CGNL1: variants seen among roughly 807,000 people sequenced by gnomAD.
CGNL1 encodes cingulin like 1.
A neutral mutation model predicts 141.2 loss-of-function variants in CGNL1; 132 were observed. The observed-to-expected ratio is 0.93, with a 90% CI of 0.81 to 1.08. The LOEUF (loss-of-function observed/expected upper bound fraction) is 1.08, where lower values mean the gene tolerates loss of function less well. CGNL1 is among the 50% of genes least tolerant of loss of function. The pLI is 0.00. For synonymous variants in CGNL1, 690 were observed against 622.1 expected, an observed-to-expected ratio of 1.11 and a Z score of -1.63; for missense variants, 1,870 against 1,588.6, an observed-to-expected ratio of 1.18 and a Z score of -3.01.
At chr15:57,385,876 C>A (rs1386841622) in intron 1 of CGNL1, among the ~76,000 whole-genome samples, 1 of 152,206 alleles carries the variant, frequency 6.6e-6, no homozygotes, top group African/African-American at 2.4e-5. Context: ...GGACAGTCCC[C>A]CACGGGAATT....
chr15:57,448,336 A>G (rs181162393), intron 4 of CGNL1, among the ~76,000 whole-genome samples: 1 of 148,712 alleles, frequency 6.7e-6, no homozygotes, highest in East Asian at 2.0e-4. Flanking sequence ...TTTTTATAGA[A>G]TCTATCTCTG....
At chr15:57,474,267 C>T (rs113282806) in intron 8 of CGNL1, among the ~76,000 whole-genome samples, 3 of 152,234 alleles carry the variant, frequency 2.0e-5, no homozygotes, top group African/African-American at 7.2e-5. Context: ...ATGTTTGTCA[C>T]TTTAGGCTGC....
chr15:57,490,845 T>C (rs2063850813), intron 8 of CGNL1, among the ~76,000 whole-genome samples: 1 of 152,168 alleles, frequency 6.6e-6, no homozygotes, highest in African/African-American at 2.4e-5. Context: ...ATTGATAGTA[T>C]CTACCCTTGA....
At chr15:57,427,093 C>T (rs1310452169) in intron 1 of CGNL1, among the ~76,000 whole-genome samples, 2 of 152,052 alleles carry the variant, frequency 1.3e-5, no homozygotes, top group African/African-American at 4.8e-5. Flanking sequence ...TTGGGTAGTC[C>T]CCCTTCCCCT....
At chr15:57,465,508 A>C (rs1370666364) in intron 8 of CGNL1, among the ~76,000 whole-genome samples, 1 of 147,654 alleles carries the variant, frequency 6.8e-6, no homozygotes, top group Non-Finnish European at 1.5e-5. Flanking sequence ...CTCCTGCCCC[A>C]GCTTCCTGAG....
At position 57,439,464 on chromosome 15, in the gene CGNL1, G is replaced by C. The variant is rs1724913369; in HGVS notation, c.1465G>C (p.Ala489Pro). Reference protein sequence around the residue: ...STVIRAPSLGAQSKKEEEVKT... With the variant: ...STVIRAPSLGPQSKKEEEVKT... ...AGTGATCCGTGCGCCCTCCCTTGGT[G>C]CACAGAGTAAAAAGGAGGAGGAGGT... Residue 489 changes from alanine (A) to proline (P), a missense_variant, in exon 2 of 19, where the codon GCA becomes CCA. Physicochemically the swap from Ala to Pro is conservative, Grantham distance 27 (BLOSUM62 -1). Coordinates refer to ENST00000281282, the MANE Select transcript of CGNL1 (RefSeq NM_032866.5). 4.3e-6 allele frequency: 7 copies of C among 1,614,220 alleles called. No individual in the cohort carries two copies. The highest frequency in any genetic ancestry group is 5.9e-6 in the Non-Finnish European group (7 of 1,180,046).
At chr15:57,502,812 T>G (rs1479838566) in intron 8 of CGNL1, among the ~76,000 whole-genome samples, 1 of 152,216 alleles carries the variant, frequency 6.6e-6, no homozygotes. Context: ...ACTTCAATCC[T>G]TAATTGGATT....
rs768874477 is a variant in CGNL1 at position 57,438,955 on chromosome 15, G to T, written c.956G>T (p.Cys319Phe). ...LYRFLLDDQE[C>F]AIHADNVNRH... ...AGGTTTTTACTGGATGATCAGGAAT[G>T]TGCCATCCATGCCGACAACGTCAAT... Residue 319 changes from cysteine (C) to phenylalanine (F), a missense_variant, in exon 2 of 19, where the codon TGT (cysteine) becomes TTT (phenylalanine). Transcript: ENST00000281282. The T allele has an allele frequency of 6.2e-7, 1 of 1,614,214 alleles. No homozygotes were observed. Among genetic ancestry groups the T allele is most frequent in the Non-Finnish European group, 8.5e-7 (1 of 1,180,042 alleles).
chr15:57,529,709 C>T (rs1280061043), intron 13 of CGNL1, among the ~76,000 whole-genome samples: 1 of 151,920 alleles, frequency 6.6e-6, no homozygotes, highest in African/African-American at 2.4e-5. Flanking sequence ...TTAAAATTGT[C>T]AAAGTTTTGA....
At chr15:57,393,798 T>A (rs1248494620) in intron 1 of CGNL1, among the ~76,000 whole-genome samples, 1 of 152,212 alleles carries the variant, frequency 6.6e-6, no homozygotes, top group South Asian at 2.1e-4. Context: ...CTGCAGATTT[T>A]GTGACTAAGT....
chr15:57,384,499 C>T (rs766670641), intron 1 of CGNL1, among the ~76,000 whole-genome samples: 12 of 152,326 alleles, frequency 7.9e-5, no homozygotes, highest in Non-Finnish European at 1.2e-4. Flanking sequence ...ATGCTAACAA[C>T]TACCACCTCA....
At chr15:57,520,709 T>A (rs1421811155) in intron 10 of CGNL1, among the ~76,000 whole-genome samples, 2 of 152,176 alleles carry the variant, frequency 1.3e-5, no homozygotes, top group African/African-American at 2.4e-5. Context: ...TAACAGTGCA[T>A]ACATTATTCC....
chr15:57,508,632 C>CA (rs1221291655), intron 8 of CGNL1, among the ~76,000 whole-genome samples: 1 of 152,246 alleles, frequency 6.6e-6, no homozygotes, highest in Non-Finnish European at 1.5e-5. Flanking sequence ...GGCCTAACGC[C>CA]AAATCCCAGG....
intron 1 of CGNL1, chr15:57,394,083 C>A: frequency 8.2e-6 from 1 of 121,864 alleles, no homozygotes; most frequent in African/African-American, 2.8e-5. Flanking sequence ...CACGCACCAC[C>A]AAACCAGGGT....
chr15:57,464,706 T>TTTCCTTTCCTTTCCA (rs2063489287), intron 8 of CGNL1, among the ~76,000 whole-genome samples: 1 of 149,580 alleles, frequency 6.7e-6, no homozygotes, highest in African/African-American at 2.5e-5. Context: ...TTTCCTTTCC[T>TTTCCTTTCCTTTCCA]TTCCTTTCCT....
chr15:57,513,601 AC>A (rs2030528865), intron 8 of CGNL1, among the ~76,000 whole-genome samples: 1 of 151,800 alleles, frequency 6.6e-6, no homozygotes, highest in South Asian at 2.1e-4. Context: ...GCTCACTGCA[AC>A]CTCTGCCTCC....
At chr15:57,462,693 T>C (rs2063462695) in intron 8 of CGNL1, among the ~76,000 whole-genome samples, 1 of 152,200 alleles carries the variant, frequency 6.6e-6, no homozygotes, top group African/African-American at 2.4e-5. Flanking sequence ...TAGTAGGCCC[T>C]CTCTCCCCTA....
chr15:57,473,890 CTTCTTCTTCTTTTT>C (rs2063614882), intron 8 of CGNL1, among the ~76,000 whole-genome samples: 1 of 109,252 alleles, frequency 9.2e-6, no homozygotes, highest in Non-Finnish European at 1.9e-5. Flanking sequence ...TCTTCTTCTT[CTTCTTCTTCTTTTT>C]TTTTTTTTTT....
In CGNL1 at chr15:57,452,099, T is replaced by C. The variant is rs147527538; in HGVS notation, c.1906-42T>C. ...GTAGGCTTCTGTGGGGTTACGTTAA[T>C]GTACAGTGGAGGCTCTTTAAAATCA... is the stretch of plus-strand genomic sequence containing the variant. On this transcript the variant is annotated intron_variant, in intron 5 of 18. Transcript: ENST00000281282. 126 of 1,570,652 alleles carry C rather than the reference T, an allele frequency of 8.0e-5. No individual in the cohort carries two copies. The East Asian group carries it at 2.8e-3, about 35-fold the overall frequency.
Sources: allele counts gnomAD v4.1 joint callset (sites outside exome capture counted in the v4.1 genomes callset), GRCh38; gene constraint gnomAD v4.1.1; transcripts MANE v1.5; gene names NCBI Gene and HGNC (gene_info 2026-07-23, HGNC 2026-07-21).